The following AGBL4 variants were observed in gnomAD, a reference collection of about 807,000 sequenced individuals.
AGBL4 encodes AGBL carboxypeptidase 4, also known as cytosolic carboxypeptidase 6.
A neutral mutation model predicts 66.4 loss-of-function variants in AGBL4; 58 were observed. The observed-to-expected ratio is 0.87, with a 90% CI of 0.71 to 1.09. The LOEUF is 1.09. AGBL4 is among the 50% of genes least tolerant of loss of function. The probability of loss-of-function intolerance (pLI) is 0.00; values close to 1 mark genes in which losing one functional copy is unlikely to be tolerated. For synonymous variants in AGBL4, 234 were observed against 222.9 expected, an observed-to-expected ratio of 1.05 and a Z score of -0.44; for missense variants, 579 against 631.0, an observed-to-expected ratio of 0.92 and a Z score of 0.88.
At chr1:48,566,866 T>C (rs915639284) in intron 11 of AGBL4, among the ~76,000 whole-genome samples, 1 of 152,172 alleles carries the variant, frequency 6.6e-6, no homozygotes, top group Non-Finnish European at 1.5e-5. Context: ...TGGTGGCTAA[T>C]GCATGTAATC....
chr1:49,692,634 C>T (rs1646911477), intron 3 of AGBL4, among the ~76,000 whole-genome samples: 2 of 151,318 alleles, frequency 1.3e-5, no homozygotes, highest in African/African-American at 4.9e-5. Flanking sequence ...AGGAGAATGG[C>T]GTGAAACTGG....
intron 2 of AGBL4, among the ~76,000 whole-genome samples, chr1:49,766,155 C>CAACG (rs1201643263): frequency 6.6e-6 from 1 of 152,048 alleles, no homozygotes; most frequent in Non-Finnish European, 1.5e-5. Flanking sequence ...GTCCCAAGGT[C>CAACG]AACACTAAAG....
chr1:49,184,863 A>T (rs1256865464), intron 4 of AGBL4, among the ~76,000 whole-genome samples: 4 of 152,192 alleles, frequency 2.6e-5, no homozygotes, highest in African/African-American at 9.6e-5. Context: ...AGATACGGAC[A>T]ATGAAAATGT....
At chr1:49,157,598 G>A (rs958761277) in intron 4 of AGBL4, among the ~76,000 whole-genome samples, 2 of 152,186 alleles carry the variant, frequency 1.3e-5, no homozygotes, top group Non-Finnish European at 2.9e-5. Context: ...TATATACCCA[G>A]TAATGGGATT....
intron 5 of AGBL4, among the ~76,000 whole-genome samples, chr1:48,918,576 C>T (rs1360219353): frequency 6.6e-6 from 1 of 152,082 alleles, no homozygotes; most frequent in Non-Finnish European, 1.5e-5. Flanking sequence ...GGGATTAGTG[C>T]CCTTATAAAG....
At chr1:48,727,679 A>C (rs975412138) in intron 6 of AGBL4, 2 of 364,368 alleles carry the variant, frequency 5.5e-6, no homozygotes, top group Non-Finnish European at 9.8e-6. Context: ...CCAGAAGGAC[A>C]CCAGTGCCAG....
chr1:49,547,428 A>C (rs1190424541), intron 3 of AGBL4, among the ~76,000 whole-genome samples: 1 of 152,198 alleles, frequency 6.6e-6, no homozygotes, highest in Non-Finnish European at 1.5e-5. Flanking sequence ...GTTTGAAATC[A>C]GGTAGTGTGA....
At chr1:49,070,279 G>A (rs1427763669) in intron 4 of AGBL4, among the ~76,000 whole-genome samples, 1 of 151,938 alleles carries the variant, frequency 6.6e-6, no homozygotes, top group African/African-American at 2.4e-5. Flanking sequence ...TTGAATAGGA[G>A]TGGTGAGAGA....
intron 9 of AGBL4, among the ~76,000 whole-genome samples, chr1:48,608,809 C>A (rs1246604406): frequency 6.6e-6 from 1 of 151,922 alleles, no homozygotes; most frequent in Non-Finnish European, 1.5e-5. Flanking sequence ...AGAGTCAGCA[C>A]TAAAAGAAAG....
chr1:48,575,348 C>G (rs1644635388), intron 11 of AGBL4, among the ~76,000 whole-genome samples: 1 of 152,188 alleles, frequency 6.6e-6, no homozygotes, highest in Admixed American at 6.5e-5. Flanking sequence ...GGAACACATC[C>G]TTTTAAAGAT....
chr1:48,637,147 A>C (rs992676746), intron 8 of AGBL4, among the ~76,000 whole-genome samples: 2 of 152,234 alleles, frequency 1.3e-5, no homozygotes, highest in African/African-American at 4.8e-5. Flanking sequence ...TTGGTACATA[A>C]TGGTAACTCA....
chr1:49,504,221 C>A (rs1648470312), intron 3 of AGBL4, among the ~76,000 whole-genome samples: 1 of 151,998 alleles, frequency 6.6e-6, no homozygotes, highest in Admixed American at 6.6e-5. Context: ...GTAGAAGGAG[C>A]CTTCTTCTTC....
chr1:49,870,014 C>T (rs1430103002), intron 1 of AGBL4, among the ~76,000 whole-genome samples: 2 of 151,908 alleles, frequency 1.3e-5, no homozygotes, highest in African/African-American at 4.8e-5. Flanking sequence ...AATTGATATC[C>T]CAAACATTCC....
intron 9 of AGBL4, among the ~76,000 whole-genome samples, chr1:48,632,948 A>C (rs1645615759): frequency 6.6e-6 from 1 of 152,230 alleles, no homozygotes; most frequent in Non-Finnish European, 1.5e-5. Context: ...TCATGTCTGT[A>C]AGAACTAGGA....
At chr1:49,616,592 A>T (rs1645253979) in intron 3 of AGBL4, among the ~76,000 whole-genome samples, 1 of 152,142 alleles carries the variant, frequency 6.6e-6, no homozygotes, top group Admixed American at 6.5e-5. Flanking sequence ...AACTCAGCTC[A>T]AATGTTTCCT....
At chr1:48,586,282 G>T (rs1314589988) in intron 11 of AGBL4, 1 of 152,284 alleles carries the variant, frequency 6.6e-6, no homozygotes, top group African/African-American at 2.4e-5. Flanking sequence ...AAGAGGAAAA[G>T]GAATTTGTCA....
chr1:49,184,425 G>T (rs752792861), intron 4 of AGBL4, among the ~76,000 whole-genome samples: 3 of 152,162 alleles, frequency 2.0e-5, no homozygotes, highest in Non-Finnish European at 4.4e-5. Context: ...AATTGATTCT[G>T]CCCTCAGCAC....
In AGBL4 at chr1:49,450,998, G is replaced by A. The variant is rs539789147; in HGVS notation, c.283-205134C>T. On this transcript the variant is annotated intron_variant, in intron 3 of 13. Coordinates refer to ENST00000371839, the MANE Select transcript of AGBL4 (RefSeq NM_032785.4). The stretch of plus-strand genomic sequence containing the variant: ...GATTCTCTACTCAGAGTATCACAAA[G>A]ATGAAATCAAGATATCAGCTGGGCT... Among the ~76,000 whole-genome samples the A allele has an allele frequency of 1.1e-4, 16 of 152,120 alleles. No individual in the cohort carries two copies. The East Asian group carries it at 2.9e-3, about 28-fold the overall frequency.
At chr1:48,885,570 C>T (rs912522152) in intron 5 of AGBL4, among the ~76,000 whole-genome samples, 2 of 152,106 alleles carry the variant, frequency 1.3e-5, no homozygotes, top group Non-Finnish European at 1.5e-5. Flanking sequence ...ATGCAGAGTT[C>T]CTTTTTCAAA....
Sources: gnomAD v4.1 joint callset for allele counts (sites outside exome capture counted in the v4.1 genomes callset) on GRCh38, gnomAD v4.1.1 for gene constraint, MANE v1.5 for transcripts, NCBI Gene and HGNC (gene_info 2026-07-23, HGNC 2026-07-21) for gene names.